Variants in CLCN2 observed in about 807,000 individuals in gnomAD.
CLCN2 encodes the protein chloride channel protein 2.
Under a neutral mutation model 108.3 loss-of-function variants are expected in CLCN2, and 72 were observed. That is an observed-to-expected ratio of 0.66 (90% CI 0.55 to 0.81). CLCN2 has a LOEUF of 0.81. CLCN2 is among the 30% of genes least tolerant of loss of function. CLCN2 has a pLI of 0.00. For synonymous variants in CLCN2, 471 were observed against 467.1 expected, an observed-to-expected ratio of 1.01 and a Z score of -0.11; for missense variants, 1,048 against 1,205.2, an observed-to-expected ratio of 0.87 and a Z score of 1.93.
In CLCN2 at chr3:184,355,616, C is replaced by CA. The variant is rs1308328394; in HGVS notation, c.1170+77dup. The CA allele has an allele frequency of 6.2e-6, 10 of 1,600,772 alleles. No homozygotes were observed. In the African/African-American group the frequency reaches 1.3e-4, roughly 21 times the overall value. On this transcript the variant is annotated intron_variant, in intron 11 of 23. Transcript: ENST00000265593. The surrounding 1 kb of genome is among the most constrained non-coding windows in gnomAD (Gnocchi z 6.3). ...ATCCCACGGGGAACAAGGGGTCCCA[C>CA]AGTCACACTGGGGCTGTTGGCTTTG...
chr3:184,354,008 A>G, intron 15 of CLCN2, 93 bp downstream of exon 15: 2 of 1,426,322 alleles, frequency 1.4e-6, no homozygotes, highest in Non-Finnish European at 1.9e-6. Flanking sequence ...CCAGCTTCGT[A>G]GGCTCCAGGA....
rs768234445 is a variant in CLCN2, at chr3:184,357,419, C to T, written c.841G>A (p.Ala281Thr). 7 of 1,614,036 alleles carry T rather than the reference C, an allele frequency of 4.3e-6. No homozygotes were observed. The highest frequency in any genetic ancestry group is 4.5e-5 in the East Asian group (2 of 44,888). Reference protein sequence around the residue: ...AVRNYWRGFFAATFSAFIFRV... With the variant: ...AVRNYWRGFFTATFSAFIFRV... ...AAGATGAAGGCACTGAAGGTGGCAG[C>T]GAAGAAGCCCCGCCAGTAGTTCCGC... Residue 281 changes from alanine (A) to threonine (T), a missense_variant, in exon 8 of 24, where the codon GCT (alanine) becomes ACT (threonine). Ala to Thr is a moderately conservative substitution (Grantham distance 58). Transcript: ENST00000265593.
intron 1 of CLCN2, among the ~76,000 whole-genome samples, chr3:184,359,957 G>A (rs1711776045): frequency 8.2e-6 from 1 of 122,214 alleles, no homozygotes. Context: ...AGAGCTTCGG[G>A]ACACAAAGGG....
At position 184,357,480 on chromosome 3, in the gene CLCN2, G is replaced by A. The variant is rs764279564; in HGVS notation, c.780C>T (p.Leu260=). 3.5e-5 allele frequency: 57 copies of A among 1,614,100 alleles called. No individual in the cohort carries two copies. Among genetic ancestry groups the A allele is most frequent in the South Asian group, 3.1e-4 (28 of 91,094 alleles). ...CCFAAPIGGV[L]FSIEVTSTFF... ...AGGTGGAGGTGACCTCGATGCTGAA[G>A]AGGACGCCTGTGAGGGGGAGGGAGA... Residue 260 remains leucine (L), a synonymous_variant, in exon 8 of 24, where the codon CTC becomes CTT. Transcript: ENST00000265593.
At position 184,357,994 on chromosome 3, in the gene CLCN2, C is replaced by T. The variant is rs751400185; in HGVS notation, c.583G>A (p.Ala195Thr). 19 of 1,613,896 alleles carry T rather than the reference C, an allele frequency of 1.2e-5. No homozygotes were observed. Among genetic ancestry groups the T allele is most frequent in the South Asian group, 3.3e-5 (3 of 91,094 alleles). The change falls in exon 5 of 24, where the codon GCC (alanine) becomes ACC (threonine). Residue 195 changes from alanine to threonine, a missense_variant. Coordinates refer to ENST00000265593, the MANE Select transcript of CLCN2 (RefSeq NM_004366.6). ...CCAAGCGGCATCCCGCTGCCTAGGG[C>T]GCAGGTCAGCCCAATGACCTTAGCT... ...FIAKVIGLTC[A>T]LGSGMPLGKE...
rs1423292438 is a variant in CLCN2, at chr3:184,358,959, C to T, written c.220+16G>A. On this transcript the variant is annotated intron_variant, in intron 2 of 23. Coordinates refer to ENST00000265593, the MANE Select transcript of CLCN2 (RefSeq NM_004366.6). ...CACAGCACAGCCAGGTCCCCTGCCC[C>T]CACCCCAGTTCTCACCGCGGCATCG... 1 of 1,613,570 alleles carries T rather than the reference C, an allele frequency of 6.2e-7. No homozygotes were observed. The highest frequency in any genetic ancestry group is 1.7e-5 in the Admixed American group (1 of 60,032).
At position 184,355,475 on chromosome 3, in the gene CLCN2, G is replaced by T; in HGVS notation, c.1225C>A (p.Gln409Lys). 6.2e-7 allele frequency: 1 copy of T among 1,614,066 alleles called. No individual in the cohort carries two copies. Among genetic ancestry groups the T allele is most frequent in the South Asian group, 1.1e-5 (1 of 91,080 alleles). Residue 409 changes from glutamine (Q) to lysine (K), a missense_variant, in exon 12 of 24, where the codon CAG becomes AAG. Coordinates refer to ENST00000265593, the MANE Select transcript of CLCN2 (RefSeq NM_004366.6). The surrounding 1 kb of genome is among the most constrained non-coding windows in gnomAD (Gnocchi z 6.3). ...GGTTCTAGCTCCTCCACCAGGCCCTGGCGGACCCACGTCCGATTGTCAAAC... is the reference window on the plus strand; with the variant it reads ...GGTTCTAGCTCCTCCACCAGGCCCTTGCGGACCCACGTCCGATTGTCAAAC... ...TLFDNRTWVR[Q>K]GLVEELEPPS... is the part of the protein sequence containing the mutation.
chr3:184,357,347 C>T lies in CLCN2; in HGVS notation c.898+15G>A, dbSNP rs1282859463. ...GCACCATCTCGGGCTGCCCTCATCC[C>T]CTGGGTGCCCCCACCTTCATCCCGG... is the stretch of plus-strand genomic sequence containing the variant. On this transcript the variant is annotated intron_variant, in intron 8 of 23. Coordinates refer to ENST00000265593, the MANE Select transcript of CLCN2 (RefSeq NM_004366.6). 1 of 1,613,978 alleles carries T rather than the reference C, an allele frequency of 6.2e-7. No homozygotes were observed. The highest frequency in any genetic ancestry group is 8.5e-7 in the Non-Finnish European group (1 of 1,180,034).
chr3:184,346,527 C>T lies in CLCN2; in HGVS notation c.*79G>A, dbSNP rs149426353. ...CCAGCTGTAGCTGCCTCCTGCCTTCCGAAGGCAGAAGGAATGAAAGATGCA... is the reference window on the plus strand; with the variant it reads ...CCAGCTGTAGCTGCCTCCTGCCTTCTGAAGGCAGAAGGAATGAAAGATGCA... On this transcript the variant is annotated 3_prime_UTR_variant, in exon 24 of 24. Transcript: ENST00000265593. This position sits in a 1 kb window ranked among gnomAD's most constrained non-coding sequence, Gnocchi z 6.0. The T allele has an allele frequency of 2.6e-4, 408 of 1,542,330 alleles. 1 individual carries two copies. In the East Asian group the frequency reaches 4.9e-3, roughly 19 times the overall value.
chr3:184,352,777 C>T lies in CLCN2; in HGVS notation c.2177G>A (p.Ser726Asn). Residue 726 changes from serine to asparagine, a missense_variant, in exon 19 of 24, where the codon AGC becomes AAC. Ser to Asn is a conservative substitution (Grantham distance 46). Coordinates refer to ENST00000265593, the MANE Select transcript of CLCN2 (RefSeq NM_004366.6). The stretch of plus-strand genomic sequence containing the variant: ...AGGGGGTGGACTGCCACAGAAGAGG[C>T]TCCGGAGGGCGATGCCTGCCGACTC... Reference protein sequence around the residue: ...SAESAGIALRSLFCGSPPPEA... With the variant: ...SAESAGIALRNLFCGSPPPEA... 1.2e-6 allele frequency: 2 copies of T among 1,613,216 alleles called. No individual in the cohort carries two copies. Among genetic ancestry groups the T allele is most frequent in the Non-Finnish European group, 1.7e-6 (2 of 1,179,992 alleles).
At chr3:184,351,064 GT>G (rs1047476684) in intron 22 of CLCN2, among the ~76,000 whole-genome samples, 17 of 152,118 alleles carry the variant, frequency 1.1e-4, no homozygotes, top group African/African-American at 4.1e-4. Flanking sequence ...GGACTTCTAA[GT>G]TCCTTTATTT....
In CLCN2 at chr3:184,352,874, G is replaced by GT. The variant is rs1394241113; in HGVS notation, c.2144-65dup. The GT allele has an allele frequency of 5.0e-6, 8 of 1,595,290 alleles. No homozygotes were observed. The African/African-American group carries it at 9.4e-5, about 19-fold the overall frequency. ...TCTTTTGGGGAGAGGACCAGGAAAGGTAAGGAAGACACAGGGAGAGGTATC... is the reference window on the plus strand; with the variant it reads ...TCTTTTGGGGAGAGGACCAGGAAAGGTTAAGGAAGACACAGGGAGAGGTATC... On this transcript the variant is annotated intron_variant, in intron 18 of 23. Transcript: ENST00000265593.
Position 184,352,764 on chromosome 3 carries a change from G to A in CLCN2, c.2190C>T (p.Gly730=). 1 of 1,613,210 alleles carries A rather than the reference G, an allele frequency of 6.2e-7. No individual in the cohort carries two copies. Among genetic ancestry groups the A allele is most frequent in the Non-Finnish European group, 8.5e-7 (1 of 1,180,010 alleles). Reference sequence around the variant, plus strand: ...CCGAAGCAGCCTCAGGGGGTGGACTGCCACAGAAGAGGCTCCGGAGGGCGA... The same window carrying A: ...CCGAAGCAGCCTCAGGGGGTGGACTACCACAGAAGAGGCTCCGGAGGGCGA... ...AGIALRSLFC[G]SPPPEAASEK... The change falls in exon 19 of 24, where the codon GGC becomes GGT. Residue 730 remains glycine, a synonymous_variant. Transcript: ENST00000265593.
At chr3:184,360,836 A>G (rs1374912677) in intron 1 of CLCN2, among the ~76,000 whole-genome samples, 3 of 152,186 alleles carry the variant, frequency 2.0e-5, no homozygotes, top group Non-Finnish European at 4.4e-5. Context: ...TCCCACACCC[A>G]TTCCTGCTTC....
chr3:184,353,577 G>GA, intron 16 of CLCN2, 85 bp downstream of exon 16: 1 of 1,585,522 alleles, frequency 6.3e-7, no homozygotes, highest in Non-Finnish European at 8.6e-7. Flanking sequence ...TGGAACCAAG[G>GA]AGACTGGTCC....
chr3:184,352,090 CT>C lies in CLCN2; in HGVS notation c.2337del (p.Asp780MetfsTer53). Reference sequence around the variant, plus strand: ...CAGTCACTGAAGTTGACAGGTTCATCTAGTTGCTGCTCCTCCCACTCCAGAA... The same window carrying C: ...CAGTCACTGAAGTTGACAGGTTCATCAGTTGCTGCTCCTCCCACTCCAGAA... The part of the protein sequence containing the change: ...EEILEWEEQQ[L>X]DEPVNFSDCK... On this transcript the variant is annotated frameshift_variant, in exon 22 of 24. Transcript: ENST00000265593. LOFTEE classifies it high-confidence loss of function. 6.2e-7 allele frequency: 1 copy of C among 1,613,944 alleles called. No homozygotes were observed. Among genetic ancestry groups the C allele is most frequent in the Non-Finnish European group, 8.5e-7 (1 of 1,179,942 alleles).
Position 184,354,261 on chromosome 3 carries a change from C to T in CLCN2, c.1561G>A (p.Val521Met), listed in dbSNP as rs753100980. The T allele has an allele frequency of 1.4e-5, 23 of 1,612,890 alleles. No individual in the cohort carries two copies. The highest frequency in any genetic ancestry group is 6.6e-5 in the South Asian group (6 of 91,072). ...GCAATCTGGCCTGTGAGCTCGAACACGATCACAGCCGTGGACACTGTGTGT... is the reference window on the plus strand; with the variant it reads ...GCAATCTGGCCTGTGAGCTCGAACATGATCACAGCCGTGGACACTGTGTGT... ...VTHTVSTAVI[V>M]FELTGQIAHI... The change falls in exon 15 of 24, where the codon GTG becomes ATG. Residue 521 changes from valine (V) to methionine (M), a missense_variant. Physicochemically the swap from Val to Met is conservative, Grantham distance 21. Transcript: ENST00000265593.
chr3:184,358,503 G>A (rs1387821118), intron 3 of CLCN2, 179 bp downstream of exon 3: 4 of 1,091,362 alleles, frequency 3.7e-6, no homozygotes, highest in Non-Finnish European at 5.5e-6. Flanking sequence ...GAGAGGGGAT[G>A]CAAGAAGCTG....
At position 184,352,482 on chromosome 3, in the gene CLCN2, A is replaced by G; in HGVS notation, c.2232T>C (p.Cys744=). The G allele has an allele frequency of 6.2e-7, 1 of 1,613,022 alleles. No individual in the cohort carries two copies. The highest frequency in any genetic ancestry group is 8.5e-7 in the Non-Finnish European group (1 of 1,179,774). The change falls in exon 20 of 24, where the codon TGT becomes TGC. Residue 744 remains cysteine, a synonymous_variant. Transcript: ENST00000265593. ...GGACACGCTTCAGCTTGCGCTTCTC[A>G]CAGGATTCCAACTTCTTCAGTTTTG... is the stretch of plus-strand genomic sequence containing the variant. ...PEAASEKLES[C]EKRKLKRVRI...
Sources: allele counts gnomAD v4.1 joint callset (sites outside exome capture counted in the v4.1 genomes callset), GRCh38; gene constraint gnomAD v4.1.1; non-coding constraint Gnocchi (gnomAD v3.1); transcripts MANE v1.5; gene names NCBI Gene and HGNC (gene_info 2026-07-23, HGNC 2026-07-21).